PDE4D: variants seen among roughly 807,000 people sequenced by gnomAD.
PDE4D encodes 3',5'-cyclic-AMP phosphodiesterase 4D.
In PDE4D, 24 loss-of-function variants were observed where a neutral mutation model predicts 87.4. The observed-to-expected ratio is 0.27, with a 90% CI of 0.20 to 0.39. The LOEUF is 0.39. Among genes scored for constraint, PDE4D ranks in the 10% least tolerant of loss-of-function variants. The pLI, the probability that PDE4D is intolerant of heterozygous loss-of-function variation, is 1.00. For synonymous variants in PDE4D, 384 were observed against 383.2 expected (o/e 1.00, Z -0.02); for missense variants, 714 against 1,041.0 (o/e 0.69, Z 4.32).
chr5:60,186,092 G>T (rs1238547427), intron 1 of PDE4D, among the ~76,000 whole-genome samples: 1 of 152,134 alleles, frequency 6.6e-6, no homozygotes, highest in Non-Finnish European at 1.5e-5. Context: ...ACTGCTGGAG[G>T]AATCTTACTT....
At chr5:59,891,421 T>C (rs547705346) in intron 1 of PDE4D, among the ~76,000 whole-genome samples, 1 of 152,346 alleles carries the variant, frequency 6.6e-6, no homozygotes, top group South Asian at 2.1e-4. Flanking sequence ...AGGTCAAATA[T>C]ACAAAGTATC....
intron 1 of PDE4D, among the ~76,000 whole-genome samples, chr5:59,439,682 T>C (rs964091674): frequency 6.6e-6 from 1 of 151,768 alleles, no homozygotes; most frequent in Non-Finnish European, 1.5e-5. Flanking sequence ...CAGAGGAAAA[T>C]ACAGCAGGGA....
intron 1 of PDE4D, among the ~76,000 whole-genome samples, chr5:59,635,190 A>G (rs1417258191): frequency 1.3e-5 from 2 of 152,240 alleles, no homozygotes; most frequent in Non-Finnish European, 2.9e-5. Flanking sequence ...TAAACCAGAA[A>G]GAAGTGGAAT....
intron 2 of PDE4D, among the ~76,000 whole-genome samples, chr5:60,115,587 T>C (rs1778100472): frequency 1.3e-5 from 2 of 152,122 alleles, no homozygotes; most frequent in Admixed American, 1.3e-4. Context: ...ATTATCTCTA[T>C]TTTTCAGTGA....
At chr5:60,197,085 A>ATAGACAGT (rs1741350100) in intron 1 of PDE4D, among the ~76,000 whole-genome samples, 1 of 132,872 alleles carries the variant, frequency 7.5e-6, no homozygotes, top group Non-Finnish European at 1.6e-5. Flanking sequence ...AGTTAGATAG[A>ATAGACAGT]TAGATAGATA....
chr5:59,097,608 G>C (rs1769977499), intron 5 of PDE4D, among the ~76,000 whole-genome samples: 1 of 152,156 alleles, frequency 6.6e-6, no homozygotes, highest in Non-Finnish European at 1.5e-5. Flanking sequence ...TTAGAAGAAA[G>C]CTTTTTTCTT....
At chr5:59,676,894 C>T (rs956898417) in intron 1 of PDE4D, among the ~76,000 whole-genome samples, 3 of 151,946 alleles carry the variant, frequency 2.0e-5, no homozygotes, top group East Asian at 1.9e-4. Flanking sequence ...GCTGTCATTT[C>T]GTATTCTTAA....
chr5:60,246,284 G>T (rs369683361), intron 1 of PDE4D, among the ~76,000 whole-genome samples: 1 of 151,236 alleles, frequency 6.6e-6, no homozygotes, highest in African/African-American at 2.4e-5. Flanking sequence ...TTGTTTAGAC[G>T]TGTGTTGATT....
intron 2 of PDE4D, among the ~76,000 whole-genome samples, chr5:59,208,991 C>T (rs754083429): frequency 6.6e-6 from 1 of 152,126 alleles, no homozygotes; most frequent in Admixed American, 6.6e-5. Flanking sequence ...CCTGGTCTAT[C>T]TAGGTCATTA....
chr5:59,714,024 G>A (rs150992343), intron 1 of PDE4D, among the ~76,000 whole-genome samples: 1 of 152,178 alleles, frequency 6.6e-6, no homozygotes, highest in Admixed American at 6.5e-5. Flanking sequence ...GTTAGAGGCT[G>A]TTGTGAATGC....
intron 1 of PDE4D, among the ~76,000 whole-genome samples, chr5:59,571,604 C>G (rs1463266871): frequency 6.6e-6 from 1 of 152,144 alleles, no homozygotes; most frequent in Non-Finnish European, 1.5e-5. Flanking sequence ...AATCAAACAT[C>G]TTTTACTCAT....
intron 1 of PDE4D, among the ~76,000 whole-genome samples, chr5:59,831,806 G>C (rs918579243): frequency 6.6e-6 from 1 of 152,024 alleles, no homozygotes; most frequent in Non-Finnish European, 1.5e-5. Context: ...TTAGTCTCAA[G>C]AGAAATATGA....
At chr5:59,653,989 T>C (rs892786513) in intron 1 of PDE4D, among the ~76,000 whole-genome samples, 1 of 151,692 alleles carries the variant, frequency 6.6e-6, no homozygotes, top group Non-Finnish European at 1.5e-5. Context: ...GCAGATCCCT[T>C]AAGCCCAGGA....
At chr5:59,857,919 AG>A (rs1171814278) in intron 1 of PDE4D, among the ~76,000 whole-genome samples, 11 of 79,260 alleles carry the variant, frequency 1.4e-4, no homozygotes, top group African/African-American at 2.5e-4. Context: ...GGGGGAGGGA[AG>A]GGGGGAGGGA....
intron 2 of PDE4D, among the ~76,000 whole-genome samples, chr5:60,088,325 A>G (rs1403055789): frequency 6.6e-6 from 1 of 152,070 alleles, no homozygotes; most frequent in Admixed American, 6.5e-5. Context: ...ACAAAACAAA[A>G]AAACCTAAAG....
intron 3 of PDE4D, among the ~76,000 whole-genome samples, chr5:59,934,750 A>T (rs994207867): frequency 3.3e-5 from 5 of 152,194 alleles, no homozygotes; most frequent in African/African-American, 1.2e-4. Context: ...CTTAAAAGAT[A>T]TGCAACATTT....
chr5:59,336,884 A>G (rs989319157), intron 1 of PDE4D, among the ~76,000 whole-genome samples: 7 of 152,216 alleles, frequency 4.6e-5, no homozygotes, highest in Admixed American at 6.5e-5. Flanking sequence ...GACACAAGAC[A>G]TAGCCCTGTT....
intron 2 of PDE4D, among the ~76,000 whole-genome samples, chr5:60,126,614 T>C (rs1308055102): frequency 1.3e-5 from 2 of 152,090 alleles, no homozygotes; most frequent in African/African-American, 2.4e-5. Flanking sequence ...GTATTTTTTA[T>C]TGGGAGTCAA....
At chr5:60,381,616 C>G (rs995033245) in intron 1 of PDE4D, among the ~76,000 whole-genome samples, 4 of 152,054 alleles carry the variant, frequency 2.6e-5, no homozygotes, top group Non-Finnish European at 4.4e-5. Context: ...GTTTAGTGAA[C>G]AGATACGGGA....
Sources: allele counts gnomAD v4.1 joint callset (sites outside exome capture counted in the v4.1 genomes callset), GRCh38; gene constraint gnomAD v4.1.1; transcripts MANE v1.5; gene names NCBI Gene and HGNC (gene_info 2026-07-23, HGNC 2026-07-21).